Variants in LARGE1 observed in about 807,000 individuals in gnomAD.
LARGE1 encodes xylosyl- and glucuronyltransferase LARGE1.
In LARGE1, 43 loss-of-function variants were observed where a neutral mutation model predicts 87.6. The ratio of observed to expected loss-of-function variants is 0.49; its 90% CI spans 0.38 to 0.63. The LOEUF (loss-of-function observed/expected upper bound fraction) is 0.63. Ranked by LOEUF, LARGE1 falls within the 30% of genes least tolerant of loss-of-function variation. LARGE1 has a pLI of 0.00. For synonymous variants in LARGE1, 434 were observed against 394.6 expected, an observed-to-expected ratio of 1.10 and a Z score of -1.18; for missense variants, 802 against 1,000.2, an observed-to-expected ratio of 0.80 and a Z score of 2.67.
chr22:33,844,028 G>A (rs946970590), intron 1 of LARGE1, among the ~76,000 whole-genome samples: 2 of 150,270 alleles, frequency 1.3e-5, no homozygotes, highest in South Asian at 2.1e-4. Flanking sequence ...GCAGTGAGCC[G>A]AGATGGTGCC....
intron 6 of LARGE1, among the ~76,000 whole-genome samples, chr22:33,535,814 G>A (rs1014076008): frequency 1.3e-5 from 2 of 152,000 alleles, no homozygotes; most frequent in African/African-American, 4.8e-5. Flanking sequence ...CTGTGATGTC[G>A]GTTCCCCCGT....
chr22:33,140,510 G>A, the LARGE1 span, among the ~76,000 whole-genome samples: 1 of 152,204 alleles, frequency 6.6e-6, no homozygotes, highest in Non-Finnish European at 1.5e-5. Context: ...TGGACTGGGA[G>A]AGGCAGACCT....
At chr22:33,215,115 C>T (rs1398329557) in intron 11 of LARGE1, among the ~76,000 whole-genome samples, 1 of 152,196 alleles carries the variant, frequency 6.6e-6, no homozygotes, top group Non-Finnish European at 1.5e-5. Context: ...CAATACTAAA[C>T]TCCATACCAA....
chr22:33,204,517 A>C (rs1471200170), intron 11 of LARGE1, among the ~76,000 whole-genome samples: 2 of 152,158 alleles, frequency 1.3e-5, no homozygotes, highest in Admixed American at 6.5e-5. Flanking sequence ...ACTCTCCCTG[A>C]TTCTAGCACC....
intron 13 of LARGE1, among the ~76,000 whole-genome samples, chr22:33,282,339 C>A (rs1448751061): frequency 6.6e-6 from 1 of 151,936 alleles, no homozygotes; most frequent in Non-Finnish European, 1.5e-5. Context: ...AAGCGAAGCT[C>A]TGTCTCAAAA....
chr22:33,651,389 C>T (rs866171834), intron 2 of LARGE1, among the ~76,000 whole-genome samples: 12 of 54,356 alleles, frequency 2.2e-4, no homozygotes, highest in Non-Finnish European at 2.8e-4. Flanking sequence ...GACTCCGTCT[C>T]AAAAAAAAAA....
At chr22:33,229,983 T>G (rs1404917301) in intron 11 of LARGE1, among the ~76,000 whole-genome samples, 2 of 150,158 alleles carry the variant, frequency 1.3e-5, no homozygotes, top group African/African-American at 2.4e-5. Flanking sequence ...TGGAGTGACA[T>G]TTTCAAACAT....
intron 1 of LARGE1, among the ~76,000 whole-genome samples, chr22:33,837,250 T>C (rs1267958416): frequency 3.1e-5 from 3 of 97,876 alleles, no homozygotes. Flanking sequence ...GTAGAGAGTA[T>C]TACATATACA....
chr22:33,759,443 A>C (rs1179896942), intron 2 of LARGE1, among the ~76,000 whole-genome samples: 1 of 152,178 alleles, frequency 6.6e-6, no homozygotes, highest in Non-Finnish European at 1.5e-5. Context: ...TGGGCAGATC[A>C]CTGAAGCTTA....
chr22:33,163,828 T>C (rs1922124845), exon 12 of LARGE1: 1 of 152,218 alleles, frequency 6.6e-6, no homozygotes, highest in South Asian at 2.1e-4. Flanking sequence ...AAGTGGTGAA[T>C]AGTAAATGAA....
At chr22:33,860,934 C>T (rs1293673109) in intron 1 of LARGE1, among the ~76,000 whole-genome samples, 1 of 152,166 alleles carries the variant, frequency 6.6e-6, no homozygotes, top group Non-Finnish European at 1.5e-5. Context: ...CGACCCTTGC[C>T]CGTACATCCA....
At chr22:33,187,792 C>T (rs967407876) in intron 11 of LARGE1, among the ~76,000 whole-genome samples, 7 of 151,456 alleles carry the variant, frequency 4.6e-5, no homozygotes, top group South Asian at 4.2e-4. Flanking sequence ...GGCATGGTGG[C>T]GGGTGCCTGT....
chr22:33,128,692 A>AG, the LARGE1 span, among the ~76,000 whole-genome samples: 5 of 144,120 alleles, frequency 3.5e-5, no homozygotes, highest in African/African-American at 1.0e-4. Context: ...AAAAAAAAAA[A>AG]AAAAAGAAAA....
the LARGE1 span, among the ~76,000 whole-genome samples, chr22:33,130,299 G>T: frequency 9.0e-5 from 9 of 100,188 alleles, no homozygotes; most frequent in Non-Finnish European, 1.3e-4. Context: ...GGGCGAAAGA[G>T]TGAGATTCCG....
the LARGE1 span, among the ~76,000 whole-genome samples, chr22:33,148,932 T>C: frequency 1.3e-5 from 2 of 152,028 alleles, no homozygotes; most frequent in African/African-American, 4.8e-5. Flanking sequence ...TCTTACTAAA[T>C]TTGGAGAGTG....
At chr22:33,487,706 A>G (rs2069647634) in intron 6 of LARGE1, among the ~76,000 whole-genome samples, 1 of 152,164 alleles carries the variant, frequency 6.6e-6, no homozygotes, top group Non-Finnish European at 1.5e-5. Flanking sequence ...ACTGAAATCT[A>G]GAAAATAAGA....
At chr22:33,816,733 C>CAGATAGAT (rs3072338) in intron 1 of LARGE1, among the ~76,000 whole-genome samples, 235 of 150,128 alleles carry the variant, frequency 1.6e-3, no homozygotes, top group South Asian at 0.015. Context: ...GACAGACAGA[C>CAGATAGAT]AGATACAGAA....
intron 7 of LARGE1, 106 bp from the exon 8 acceptor site, chr22:33,384,410 T>TA: frequency 2.4e-6 from 2 of 841,314 alleles, no homozygotes; most frequent in Non-Finnish European, 4.0e-6. Context: ...ATGATTGTCT[T>TA]ATGCAGACAA....
chr22:33,854,604 T>C (rs956663475), intron 1 of LARGE1, among the ~76,000 whole-genome samples: 2 of 152,058 alleles, frequency 1.3e-5, no homozygotes, highest in Non-Finnish European at 2.9e-5. Context: ...ATGAAGAAGA[T>C]AGTCTAATCA....
Sources: gnomAD v4.1 joint callset for allele counts (sites outside exome capture counted in the v4.1 genomes callset) on GRCh38, gnomAD v4.1.1 for gene constraint, MANE v1.5 for transcripts, NCBI Gene and HGNC (gene_info 2026-07-23, HGNC 2026-07-21) for gene names.